Variants in SLC5A12 observed in about 807,000 individuals in gnomAD.
The protein encoded by SLC5A12 is sodium-coupled monocarboxylate transporter 2.
SLC5A12 carries 46 observed loss-of-function variants against 72.7 expected under a neutral mutation model. The observed-to-expected ratio is 0.63, with a 90% CI of 0.50 to 0.81. The LOEUF (loss-of-function observed/expected upper bound fraction) is 0.81, where lower values mean the gene tolerates loss of function less well. Ranked by LOEUF, SLC5A12 falls within the 30% of genes least tolerant of loss-of-function variation. The pLI is 0.00. For synonymous variants in SLC5A12, 275 were observed against 264.4 expected (o/e 1.04, Z -0.39); for missense variants, 683 against 740.7 (o/e 0.92, Z 0.90).
intron 6 of SLC5A12, among the ~76,000 whole-genome samples, chr11:26,702,184 C>A (rs996429867): frequency 5.3e-5 from 8 of 152,004 alleles, no homozygotes; most frequent in Non-Finnish European, 2.9e-5. Context: ...AAAGAGATGA[C>A]CACATGTGTG....
chr11:26,687,728 GA>G (rs1348346329), intron 9 of SLC5A12, among the ~76,000 whole-genome samples: 1 of 152,142 alleles, frequency 6.6e-6, no homozygotes, highest in Non-Finnish European at 1.5e-5. Flanking sequence ...AGTCATCTTT[GA>G]GGCTATCTTT....
chr11:26,693,710 T>C (rs1854739345), intron 8 of SLC5A12, among the ~76,000 whole-genome samples: 1 of 152,176 alleles, frequency 6.6e-6, no homozygotes, highest in African/African-American at 2.4e-5. Flanking sequence ...TTTCCATTGA[T>C]ATTGATTAAA....
intron 9 of SLC5A12, among the ~76,000 whole-genome samples, chr11:26,687,632 AT>A (rs796771922): frequency 3.9e-5 from 6 of 152,334 alleles, no homozygotes; most frequent in African/African-American, 1.4e-4. Flanking sequence ...AGCAAGTACT[AT>A]GTATTTATCA....
At chr11:26,679,152 A>C (rs761856604) in intron 12 of SLC5A12, among the ~76,000 whole-genome samples, 30 of 152,126 alleles carry the variant, frequency 2.0e-4, no homozygotes, top group Non-Finnish European at 4.1e-4. Flanking sequence ...AGCATTAGTG[A>C]TATAAAGATG....
chr11:26,685,386 G>A (rs1050657621), intron 10 of SLC5A12, among the ~76,000 whole-genome samples: 7 of 152,230 alleles, frequency 4.6e-5, no homozygotes, highest in East Asian at 1.9e-4. Flanking sequence ...CTCGGAGGCC[G>A]AGGCTGGTGG....
intron 9 of SLC5A12, chr11:26,692,262 T>G (rs74940250): frequency 2.0e-6 from 1 of 507,926 alleles, no homozygotes; most frequent in African/African-American, 1.9e-5. Flanking sequence ...AGGGTAAGTA[T>G]AGAAGAGTAT....
chr11:26,715,895 C>T (rs535825370), intron 1 of SLC5A12, among the ~76,000 whole-genome samples: 1 of 152,196 alleles, frequency 6.6e-6, no homozygotes, highest in African/African-American at 2.4e-5. Context: ...GTGAGACCAG[C>T]ACAATTTTAT....
intron 10 of SLC5A12, among the ~76,000 whole-genome samples, chr11:26,685,489 T>TC (rs898148970): frequency 9.9e-5 from 15 of 152,052 alleles, no homozygotes; most frequent in African/African-American, 3.1e-4. Context: ...GCACCTGTAA[T>TC]CCCAGCTACT....
Position 26,671,129 on chromosome 11 carries a change from A to T in SLC5A12, c.1830T>A (p.Asn610Lys). ...GYDPKDKSYN[N>K]MAFETTHF is the part of the protein sequence containing the mutation. ...AGAAATGGGTAGTCTCAAATGCCAT[A>T]TTGTTGTAGCTTTTGTCCTTAGGAT... Residue 610 changes from asparagine to lysine, a missense_variant, in exon 15 of 15, where the codon AAT becomes AAA. Asn to Lys is a moderately conservative substitution (Grantham distance 94, BLOSUM62 0). Transcript: ENST00000396005. 6.2e-7 allele frequency: 1 copy of T among 1,612,114 alleles called. No homozygotes were observed. Among genetic ancestry groups the T allele is most frequent in the Non-Finnish European group, 8.5e-7 (1 of 1,179,024 alleles).
chr11:26,678,898 G>A (rs1854328002), intron 12 of SLC5A12, 83 bp from the exon 13 acceptor site: 1 of 789,844 alleles, frequency 1.3e-6, no homozygotes, highest in Non-Finnish European at 2.0e-6. Flanking sequence ...ATTCATTTTA[G>A]GGCCTGGCAT....
rs1854026255 is a variant in SLC5A12 at position 26,667,556 on chromosome 11, T to G, written c.*3546A>C. ...CCACCTTCTGTTGCTATTTTGAGAG[T>G]CATAGTTGCTTTGAACTGTGCAATG... is the stretch of plus-strand genomic sequence containing the variant. On this transcript the variant is annotated 3_prime_UTR_variant, in exon 15 of 15. Transcript: ENST00000396005. 2 of 151,904 alleles carry G rather than the reference T, an allele frequency of 1.3e-5. No homozygotes were observed. The highest frequency in any genetic ancestry group is 4.1e-4 in the South Asian group (2 of 4,824). 9.4% of individuals were successfully genotyped at this position (151,904 alleles called of 1,614,324 possible).
chr11:26,679,512 G>T (rs1269660359), intron 12 of SLC5A12, among the ~76,000 whole-genome samples: 1 of 152,084 alleles, frequency 6.6e-6, no homozygotes, highest in African/African-American at 2.4e-5. Context: ...CAAAATAATG[G>T]AGTGCCCATT....
At chr11:26,700,295 C>T (rs983910400) in intron 6 of SLC5A12, among the ~76,000 whole-genome samples, 5 of 152,040 alleles carry the variant, frequency 3.3e-5, no homozygotes, top group Non-Finnish European at 5.9e-5. Flanking sequence ...ATTTTGAATT[C>T]GTTTCTCATT....
In SLC5A12 at chr11:26,673,513, C is replaced by T; in HGVS notation, c.1596G>A (p.Glu532=). The T allele has an allele frequency of 6.2e-7, 1 of 1,607,638 alleles. No homozygotes were observed. The highest frequency in any genetic ancestry group is 8.5e-7 in the Non-Finnish European group (1 of 1,177,098). The change falls in exon 14 of 15, where the codon GAG becomes GAA. Residue 532 remains glutamate, a synonymous_variant. Transcript: ENST00000396005. ...GTCTAATTAACAGTGGTTGAATATCCTCACCTCTTTGGCGACCTATTAACA... is the reference window on the plus strand; with the variant it reads ...GTCTAATTAACAGTGGTTGAATATCTTCACCTCTTTGGCGACCTATTAACA... The part of the protein sequence containing the change: ...ISLITGRQRG[E]DIQPLLIRPV...
rs1451177511 is a variant in SLC5A12, at chr11:26,669,379, CT to C, written c.*1722del. 6.6e-6 allele frequency: 1 copy of C among 151,694 alleles called. No individual in the cohort carries two copies. Among genetic ancestry groups the C allele is most frequent in the East Asian group, 1.9e-4 (1 of 5,156 alleles). 9.4% of individuals were successfully genotyped at this position (151,694 alleles called of 1,614,324 possible). On this transcript the variant is annotated 3_prime_UTR_variant, in exon 15 of 15. Transcript: ENST00000396005. Reference sequence around the variant, plus strand: ...AATTGCACCTCTCAATTTGCAAATCCTTAGATCAACAGCTTAATTAGCGTTG... The same window carrying C: ...AATTGCACCTCTCAATTTGCAAATCCTAGATCAACAGCTTAATTAGCGTTG...
chr11:26,707,685 C>A (rs73438421), intron 4 of SLC5A12, among the ~76,000 whole-genome samples: 7,531 of 151,966 alleles, frequency 0.05, 212 homozygotes, highest in South Asian at 0.094. Context: ...TTATGCATAT[C>A]TATTCTCTTA....
At chr11:26,714,891 A>C (rs1484246076) in intron 1 of SLC5A12, among the ~76,000 whole-genome samples, 1 of 152,134 alleles carries the variant, frequency 6.6e-6, no homozygotes, top group African/African-American at 2.4e-5. Context: ...TCCTCTCTTC[A>C]GATGATATAT....
At chr11:26,681,293 GTT>G in intron 11 of SLC5A12, 72 bp from the exon 12 acceptor site, 8 of 913,700 alleles carry the variant, frequency 8.8e-6, no homozygotes, top group South Asian at 2.3e-5. Context: ...GAGATGAGGA[GTT>G]CTATGCCTTA....
At chr11:26,697,892 CTTTTTTTTT>C (rs34284911) in intron 7 of SLC5A12, among the ~76,000 whole-genome samples, 12 of 93,988 alleles carry the variant, frequency 1.3e-4, no homozygotes, top group South Asian at 9.1e-4. Context: ...GAGATGCCGT[CTTTTTTTTT>C]TTTTTTTTTT....
Sources: gnomAD v4.1 joint callset for allele counts (sites outside exome capture counted in the v4.1 genomes callset) on GRCh38, gnomAD v4.1.1 for gene constraint, MANE v1.5 for transcripts, NCBI Gene and HGNC (gene_info 2026-07-23, HGNC 2026-07-21) for gene names.